Variants in JMJD1C observed in about 807,000 individuals in gnomAD.
The protein encoded by JMJD1C is jumonji domain-containing protein 1C.
A neutral mutation model predicts 245.3 loss-of-function variants in JMJD1C; 31 were observed. That is an observed-to-expected ratio of 0.13 (90% CI 0.09 to 0.17). The LOEUF is 0.17. Ranked by LOEUF, JMJD1C falls within the 10% of genes least tolerant of loss-of-function variation. The pLI is 1.00. For missense variants in JMJD1C, 2,691 were observed against 3,000.2 expected (o/e 0.90, Z 2.41); for synonymous variants, 1,057 against 1,017.4 (o/e 1.04, Z -0.74).
intron 12 of JMJD1C, among the ~76,000 whole-genome samples, chr10:63,198,202 T>C (rs1359858455): frequency 6.6e-6 from 1 of 152,178 alleles, no homozygotes; most frequent in Non-Finnish European, 1.5e-5. Context: ...TACAAATAAT[T>C]GGGGTAGATT....
At chr10:63,173,533 G>GC (rs1220783764) in intron 24 of JMJD1C, among the ~76,000 whole-genome samples, 1 of 152,090 alleles carries the variant, frequency 6.6e-6, no homozygotes, top group Non-Finnish European at 1.5e-5. Flanking sequence ...ACCAGCCTGA[G>GC]CAACACAGCA....
At chr10:63,267,167 A>G (rs1374399348) in intron 2 of JMJD1C, among the ~76,000 whole-genome samples, 1 of 152,188 alleles carries the variant, frequency 6.6e-6, no homozygotes, top group Non-Finnish European at 1.5e-5. Context: ...TAGCAAATAA[A>G]AAGTGCTGAT....
intron 1 of JMJD1C, among the ~76,000 whole-genome samples, chr10:63,509,769 G>A (rs1274923533): frequency 6.6e-6 from 1 of 151,982 alleles, no homozygotes; most frequent in Non-Finnish European, 1.5e-5. Context: ...TTTCATTTTT[G>A]ATATTAGTAA....
At chr10:63,289,856 A>G (rs1311462025) in intron 2 of JMJD1C, among the ~76,000 whole-genome samples, 1 of 152,136 alleles carries the variant, frequency 6.6e-6, no homozygotes, top group Non-Finnish European at 1.5e-5. Flanking sequence ...AAGGTCATTC[A>G]TTATTCAAAA....
chr10:63,345,268 C>T (rs1447834926), intron 2 of JMJD1C, among the ~76,000 whole-genome samples: 1 of 152,040 alleles, frequency 6.6e-6, no homozygotes, highest in Non-Finnish European at 1.5e-5. Flanking sequence ...GGGCGGATCA[C>T]CTGAGGTCAG....
intron 2 of JMJD1C, among the ~76,000 whole-genome samples, chr10:63,371,011 T>A (rs1173276358): frequency 6.6e-6 from 1 of 152,172 alleles, no homozygotes; most frequent in Non-Finnish European, 1.5e-5. Context: ...AGGGTCTTGC[T>A]CCATTGCCCA....
intron 24 of JMJD1C, among the ~76,000 whole-genome samples, chr10:63,175,414 A>T (rs1392763175): frequency 6.6e-6 from 1 of 152,212 alleles, no homozygotes; most frequent in African/African-American, 2.4e-5. Context: ...CTGTATCATA[A>T]ATGCCATTTG....
Position 63,185,564 on chromosome 10 carries a change from T to C in JMJD1C, c.6829A>G (p.Arg2277Gly). Residue 2277 changes from arginine to glycine, a missense_variant and splice_region_variant, in exon 20 of 26, where the codon AGA becomes GGA. Arg to Gly is a moderately radical substitution (Grantham distance 125). Transcript: ENST00000399262. ...GEDFKTMMPA[R>G]YEDLLKSLPL... is the part of the protein sequence containing the mutation. Reference sequence around the variant, plus strand: ...GAGTCAAAATGAAAAGTTTCAAACCTTGCTGGCATCATAGTCTTGAAGTCT... The same window carrying C: ...GAGTCAAAATGAAAAGTTTCAAACCCTGCTGGCATCATAGTCTTGAAGTCT... The C allele has an allele frequency of 6.4e-7, 1 of 1,569,184 alleles. No homozygotes were observed. The highest frequency in any genetic ancestry group is 8.8e-7 in the Non-Finnish European group (1 of 1,138,514).
chr10:63,235,252 T>G (rs1850590020), intron 3 of JMJD1C, among the ~76,000 whole-genome samples: 1 of 152,064 alleles, frequency 6.6e-6, no homozygotes, highest in African/African-American at 2.4e-5. Flanking sequence ...TCCCAGCACT[T>G]TGGAAGGCTG....
chr10:63,228,874 T>C (rs1849625169), intron 3 of JMJD1C, among the ~76,000 whole-genome samples: 1 of 152,194 alleles, frequency 6.6e-6, no homozygotes, highest in Non-Finnish European at 1.5e-5. Context: ...GGACAATGCT[T>C]AGCCTTCCAA....
intron 1 of JMJD1C, among the ~76,000 whole-genome samples, chr10:63,413,289 T>C (rs773727062): frequency 2.1e-4 from 32 of 152,198 alleles, no homozygotes; most frequent in Non-Finnish European, 3.5e-4. Flanking sequence ...CTTTACCTGG[T>C]CTGCTGTTGA....
At chr10:63,196,217 T>C (rs1318478935) in intron 13 of JMJD1C, among the ~76,000 whole-genome samples, 1 of 151,584 alleles carries the variant, frequency 6.6e-6, no homozygotes, top group Admixed American at 6.6e-5. Flanking sequence ...CACTCCAGCC[T>C]GGGCAACAAG....
At chr10:63,193,685 G>A (rs1263397606) in intron 14 of JMJD1C, 2 of 341,306 alleles carry the variant, frequency 5.9e-6, no homozygotes, top group Admixed American at 9.7e-5. Context: ...GTTTTTTTTT[G>A]AGACGGAGTC....
In JMJD1C at chr10:63,209,140, T is replaced by C; in HGVS notation, c.2790A>G (p.Ala930=). 1 of 1,614,040 alleles carries C rather than the reference T, an allele frequency of 6.2e-7. No individual in the cohort carries two copies. The highest frequency in any genetic ancestry group is 8.5e-7 in the Non-Finnish European group (1 of 1,179,926). ...LSHIPVRPSS[A]EPHRPLKITA... is the part of the protein sequence containing the mutation. Reference sequence around the variant, plus strand: ...TAATTTTAAGAGGCCGATGAGGCTCTGCACTGGAAGGTCTGACAGGAATGT... The same window carrying C: ...TAATTTTAAGAGGCCGATGAGGCTCCGCACTGGAAGGTCTGACAGGAATGT... The change falls in exon 9 of 26, where the codon GCA becomes GCG. Residue 930 remains alanine, a synonymous_variant. Transcript: ENST00000399262.
At chr10:63,267,721 C>A (rs1209429761) in intron 2 of JMJD1C, among the ~76,000 whole-genome samples, 1 of 152,008 alleles carries the variant, frequency 6.6e-6, no homozygotes, top group Non-Finnish European at 1.5e-5. Flanking sequence ...AAACAAAATG[C>A]TTTTTCAATT....
rs1238476668 is a variant in JMJD1C, at chr10:63,193,187, T to C, written c.5863-36A>G. On this transcript the variant is annotated intron_variant, in intron 15 of 25. Transcript: ENST00000399262. Reference sequence around the variant, plus strand: ...AGAACAATTACATTTTTAAACACTTTCTTCAATAATTCAATTAGTAGTATA... The same window carrying C: ...AGAACAATTACATTTTTAAACACTTCCTTCAATAATTCAATTAGTAGTATA... 12 of 1,560,646 alleles carry C rather than the reference T, an allele frequency of 7.7e-6. No homozygotes were observed. The African/African-American group carries it at 9.5e-5, about 12-fold the overall frequency.
rs566751308 is a variant in JMJD1C at position 63,208,455 on chromosome 10, G to C, written c.3214C>G (p.Arg1072Gly). 1.2e-6 allele frequency: 2 copies of C among 1,613,770 alleles called. No individual in the cohort carries two copies. The highest frequency in any genetic ancestry group is 1.6e-4 in the Middle Eastern group (1 of 6,084). Residue 1072 changes from arginine (R) to glycine (G), a missense_variant, in exon 10 of 26, where the codon CGC becomes GGC. Coordinates refer to ENST00000399262, the MANE Select transcript of JMJD1C (RefSeq NM_032776.3). ...HIIKQDMDVE[R>G]SVSDLYKMKH... Reference sequence around the variant, plus strand: ...ATTTTATAAAGATCTGATACTGAGCGTTCTACATCCATATCTTGTTTGATG... The same window carrying C: ...ATTTTATAAAGATCTGATACTGAGCCTTCTACATCCATATCTTGTTTGATG...
intron 24 of JMJD1C, among the ~76,000 whole-genome samples, chr10:63,174,700 G>A (rs2132786166): frequency 6.6e-6 from 1 of 152,274 alleles, no homozygotes; most frequent in African/African-American, 2.4e-5. Context: ...AGGCGTGGTG[G>A]TGCATGCCTG....
intron 1 of JMJD1C, among the ~76,000 whole-genome samples, chr10:63,502,407 G>A (rs1180943081): frequency 6.6e-6 from 1 of 152,056 alleles, no homozygotes; most frequent in Non-Finnish European, 1.5e-5. Flanking sequence ...GGGAGGCCGA[G>A]GCAGGTGGAT....
Sources: allele counts gnomAD v4.1 joint callset (sites outside exome capture counted in the v4.1 genomes callset), GRCh38; gene constraint gnomAD v4.1.1; transcripts MANE v1.5; gene names NCBI Gene and HGNC (gene_info 2026-07-23, HGNC 2026-07-21).